AFF1: variants seen among roughly 807,000 people sequenced by gnomAD.
AFF1 encodes ALF transcription elongation factor 1.
AFF1 carries 48 observed loss-of-function variants against 121.7 expected under a neutral mutation model. That is an observed-to-expected ratio of 0.39 (90% CI 0.31 to 0.50). AFF1 has a LOEUF of 0.50. Among genes scored for constraint, AFF1 ranks in the 20% least tolerant of loss-of-function variants. The pLI is 0.76. For missense variants in AFF1, 1,523 were observed against 1,511.7 expected (o/e 1.01, Z -0.12); for synonymous variants, 613 against 563.0 (o/e 1.09, Z -1.26).
intron 4 of AFF1, among the ~76,000 whole-genome samples, chr4:87,059,281 A>G (rs1323137741): frequency 1.3e-5 from 2 of 152,216 alleles, no homozygotes; most frequent in East Asian, 3.8e-4. Flanking sequence ...AACCTGTCTA[A>G]AATGGATTTT....
intron 2 of AFF1, among the ~76,000 whole-genome samples, chr4:87,016,070 A>G (rs1263946082): frequency 6.6e-6 from 1 of 152,116 alleles, no homozygotes; most frequent in Non-Finnish European, 1.5e-5. Context: ...AATCCCAGCT[A>G]CTCGGGAGGC....
chr4:87,040,970 G>A (rs1485006721), intron 2 of AFF1, among the ~76,000 whole-genome samples: 1 of 143,944 alleles, frequency 6.9e-6, no homozygotes, highest in Non-Finnish European at 1.5e-5. Flanking sequence ...CTACCTCCCG[G>A]GTTCAAGTGA....
intron 1 of AFF1, among the ~76,000 whole-genome samples, chr4:86,939,710 C>T (rs1029699522): frequency 2.0e-5 from 3 of 152,190 alleles, no homozygotes; most frequent in African/African-American, 7.2e-5. Flanking sequence ...CTTATAGATA[C>T]AGTGAATATG....
chr4:87,053,185 T>C (rs898443394), intron 4 of AFF1, among the ~76,000 whole-genome samples: 11 of 152,320 alleles, frequency 7.2e-5, no homozygotes, highest in South Asian at 2.1e-4. Flanking sequence ...TAATTCCTCC[T>C]CCAGATCAGT....
chr4:86,998,326 C>T (rs1022964363), intron 2 of AFF1, among the ~76,000 whole-genome samples: 1 of 152,164 alleles, frequency 6.6e-6, no homozygotes, highest in Non-Finnish European at 1.5e-5. Flanking sequence ...AAAGAGCATT[C>T]TTGCATGGAG....
chr4:87,032,385 G>A (rs1415209751), intron 2 of AFF1, among the ~76,000 whole-genome samples: 2 of 152,148 alleles, frequency 1.3e-5, no homozygotes, highest in Non-Finnish European at 2.9e-5. Flanking sequence ...CTTTCTTTCT[G>A]TAGAAACGAG....
chr4:87,066,907 T>A (rs1415579804), intron 4 of AFF1, among the ~76,000 whole-genome samples: 2 of 152,138 alleles, frequency 1.3e-5, no homozygotes, highest in Non-Finnish European at 2.9e-5. Context: ...TAATTCAGAA[T>A]TTATTAGAAA....
At chr4:87,065,055 G>A (rs1317449904) in intron 4 of AFF1, among the ~76,000 whole-genome samples, 2 of 151,960 alleles carry the variant, frequency 1.3e-5, no homozygotes, top group South Asian at 2.1e-4. Flanking sequence ...TATAGTGTGG[G>A]GACACCAACC....
At chr4:87,032,839 T>C (rs1729203113) in intron 2 of AFF1, among the ~76,000 whole-genome samples, 1 of 152,206 alleles carries the variant, frequency 6.6e-6, no homozygotes, top group African/African-American at 2.4e-5. Flanking sequence ...TGGGTTCCTG[T>C]GTACTCAGTT....
At chr4:87,103,514 T>C (rs1560627414) in intron 8 of AFF1, among the ~76,000 whole-genome samples, 1 of 152,250 alleles carries the variant, frequency 6.6e-6, no homozygotes, top group Non-Finnish European at 1.5e-5. Context: ...CAATCTTCCT[T>C]CAGAGATCAC....
intron 17 of AFF1, 108 bp downstream of exon 17, chr4:87,131,327 C>T: frequency 1.4e-6 from 2 of 1,428,712 alleles, no homozygotes; most frequent in Non-Finnish European, 1.9e-6. Flanking sequence ...AAAGGGGAGC[C>T]TTAAAAAAGT....
chr4:86,986,246 A>G (rs1254173877), intron 2 of AFF1, among the ~76,000 whole-genome samples: 1 of 151,636 alleles, frequency 6.6e-6, no homozygotes, highest in Non-Finnish European at 1.5e-5. Context: ...TAATTTTTGT[A>G]TTTTTAGTGG....
chr4:87,034,794 G>A (rs1228914693), intron 2 of AFF1, among the ~76,000 whole-genome samples: 8 of 31,396 alleles, frequency 2.5e-4, no homozygotes, highest in Non-Finnish European at 8.2e-4. Context: ...GGTAAAATCA[G>A]TTTTAGGTAT....
chr4:87,086,485 T>C (rs1254419509), intron 5 of AFF1, among the ~76,000 whole-genome samples: 1 of 151,756 alleles, frequency 6.6e-6, no homozygotes, highest in African/African-American at 2.4e-5. Context: ...TGAGAGAGAG[T>C]GGTTAATGTA....
At chr4:86,957,920 G>A (rs182984260) in intron 2 of AFF1, among the ~76,000 whole-genome samples, 52 of 151,844 alleles carry the variant, frequency 3.4e-4, no homozygotes, top group Admixed American at 9.8e-4. Context: ...CTTTTTCTTT[G>A]CTGAACTATT....
At chr4:86,971,528 G>A (rs1179023679) in intron 2 of AFF1, among the ~76,000 whole-genome samples, 1 of 152,200 alleles carries the variant, frequency 6.6e-6, no homozygotes, top group Non-Finnish European at 1.5e-5. Context: ...GGAACCAGCT[G>A]TTCCTTGCAG....
At chr4:86,938,613 G>A (rs7674630) in intron 1 of AFF1, among the ~76,000 whole-genome samples, 4,744 of 152,250 alleles carry the variant, frequency 0.031, 254 homozygotes, top group African/African-American at 0.11. Flanking sequence ...CACAGTAGAA[G>A]CTTATTTAAT....
chr4:86,964,452 T>G (rs1722389020), intron 2 of AFF1, among the ~76,000 whole-genome samples: 1 of 140,980 alleles, frequency 7.1e-6, no homozygotes, highest in African/African-American at 2.7e-5. Flanking sequence ...TTTTTTTTTT[T>G]GAGATGGAGT....
At chr4:87,074,076 C>G (rs973283173) in intron 4 of AFF1, among the ~76,000 whole-genome samples, 1 of 151,874 alleles carries the variant, frequency 6.6e-6, no homozygotes, top group Non-Finnish European at 1.5e-5. Context: ...CACACCCTCC[C>G]TGCAGCAATA....
Sources: gnomAD v4.1 joint callset for allele counts (sites outside exome capture counted in the v4.1 genomes callset) on GRCh38, gnomAD v4.1.1 for gene constraint, MANE v1.5 for transcripts, NCBI Gene and HGNC (gene_info 2026-07-23, HGNC 2026-07-21) for gene names.